CLEC18A: variants seen among roughly 807,000 people sequenced by gnomAD.
The protein encoded by CLEC18A is mannose receptor-like 1.
CLEC18A carries 5 observed loss-of-function variants against 24.0 expected under a neutral mutation model. That is an observed-to-expected ratio of 0.21 (90% CI 0.11 to 0.44). The LOEUF (loss-of-function observed/expected upper bound fraction) is 0.44, where lower values mean the gene tolerates loss of function less well. Among genes scored for constraint, CLEC18A ranks in the 20% least tolerant of loss-of-function variants. The probability of loss-of-function intolerance (pLI) is 0.99; values close to 1 mark genes in which losing one functional copy is unlikely to be tolerated. For synonymous variants in CLEC18A, 29 were observed against 100.1 expected, an observed-to-expected ratio of 0.29 and a Z score of 4.24; for missense variants, 83 against 233.4, an observed-to-expected ratio of 0.36 and a Z score of 4.20.
chr16:69,944,005 A>G, the CLEC18A span, among the ~76,000 whole-genome samples: 243 of 134,144 alleles, frequency 1.8e-3, 24 homozygotes, highest in East Asian at 0.039. Context: ...GAGCTAAGTA[A>G]GTCATCCGGG....
upstream of CLEC18A, among the ~76,000 whole-genome samples, chr16:69,946,098 A>T (rs1972918728): frequency 4.0e-5 from 2 of 49,448 alleles, 1 homozygote; most frequent in Non-Finnish European, 6.7e-5. Context: ...GTCTCAAAAA[A>T]AAAAAAAGAA....
chr16:69,946,011 TA>T (rs1439202335), upstream of CLEC18A, among the ~76,000 whole-genome samples: 1 of 146,260 alleles, frequency 6.8e-6, no homozygotes, highest in Non-Finnish European at 1.5e-5. Context: ...GAGAATCACT[TA>T]AACCGAAGGG....
chr16:69,955,214 G>C (rs1393361662), intron 3 of CLEC18A, among the ~76,000 whole-genome samples: 1 of 151,676 alleles, frequency 6.6e-6, no homozygotes. Context: ...TGTTGGTCAG[G>C]CTGGTCTCGA....
downstream of CLEC18A, among the ~76,000 whole-genome samples, chr16:69,965,478 G>GC (rs1437343349): frequency 6.6e-6 from 1 of 151,534 alleles, no homozygotes; most frequent in Admixed American, 6.6e-5. Flanking sequence ...ACCCGGGCGC[G>GC]CGCTGCCCGA....
At chr16:69,955,351 G>GTATT (rs1344702684) in intron 3 of CLEC18A, among the ~76,000 whole-genome samples, 1 of 149,758 alleles carries the variant, frequency 6.7e-6, no homozygotes, top group East Asian at 2.0e-4. Context: ...AAACATAAAC[G>GTATT]TATTTATTTA....
At chr16:69,957,136 G>T (rs941308366) in intron 3 of CLEC18A, among the ~76,000 whole-genome samples, 1 of 143,584 alleles carries the variant, frequency 7.0e-6, no homozygotes, top group Non-Finnish European at 1.5e-5. Flanking sequence ...AATAAGTTTT[G>T]ATGTTTTTTC....
At chr16:69,951,626 GA>G in intron 1 of CLEC18A, 136 bp downstream of exon 1, 1 of 1,296,104 alleles carries the variant, frequency 7.7e-7, no homozygotes, top group Non-Finnish European at 1.1e-6. Flanking sequence ...GAAGCCCTGG[GA>G]CAGCCCGGGG....
upstream of CLEC18A, among the ~76,000 whole-genome samples, chr16:69,950,387 T>C (rs144640712): frequency 0.023 from 2,825 of 122,408 alleles, 211 homozygotes; most frequent in East Asian, 0.073. Context: ...GGGCATTAGG[T>C]TGCAGCCCGC....
chr16:69,945,429 A>T, the CLEC18A span, among the ~76,000 whole-genome samples: 1 of 152,252 alleles, frequency 6.6e-6, no homozygotes, highest in Non-Finnish European at 1.5e-5. Context: ...GGTAGTATAC[A>T]TTCTCCAGTT....
downstream of CLEC18A, among the ~76,000 whole-genome samples, chr16:69,966,258 C>A (rs960274498): frequency 1.3e-5 from 2 of 150,476 alleles, no homozygotes; most frequent in Admixed American, 6.6e-5. Flanking sequence ...CTTTGAAAGC[C>A]CCCACTTGTG....
At chr16:69,945,582 C>T in the CLEC18A span, among the ~76,000 whole-genome samples, 1 of 152,260 alleles carries the variant, frequency 6.6e-6, no homozygotes, top group Non-Finnish European at 1.5e-5. Flanking sequence ...TCAAGGGATC[C>T]TCTTGCCTCA....
chr16:69,946,068 CAGT>C, upstream of CLEC18A, among the ~76,000 whole-genome samples: 1 of 105,462 alleles, frequency 9.5e-6, no homozygotes, highest in African/African-American at 3.8e-5. Context: ...ACTCCAGCCT[CAGT>C]GACAGAGTGA....
At chr16:69,965,491 C>T (rs1008717507), downstream of CLEC18A, among the ~76,000 whole-genome samples, 2 of 151,446 alleles carry the variant, frequency 1.3e-5, no homozygotes, top group African/African-American at 4.9e-5. Context: ...CTGCCCGAGG[C>T]CGGGGGGCGG....
intron 2 of CLEC18A, chr16:69,953,169 C>A (rs1323303870): frequency 2.0e-5 from 3 of 152,446 alleles, no homozygotes; most frequent in African/African-American, 7.2e-5. Flanking sequence ...TCCCTCGTGG[C>A]CCGGCCCCGA....
At chr16:69,965,413 C>A (rs1171741659), downstream of CLEC18A, among the ~76,000 whole-genome samples, 1 of 152,032 alleles carries the variant, frequency 6.6e-6, no homozygotes. Flanking sequence ...TTGTCCGGGG[C>A]CACGGCCGCA....
chr16:69,945,723 T>C (rs1408410655), upstream of CLEC18A, among the ~76,000 whole-genome samples: 5 of 152,382 alleles, frequency 3.3e-5, no homozygotes, highest in South Asian at 2.1e-4. Context: ...ATAGACAAAT[T>C]TGGGGAGAAT....
chr16:69,957,065 T>A (rs2059047174), intron 3 of CLEC18A, among the ~76,000 whole-genome samples: 1 of 151,726 alleles, frequency 6.6e-6, no homozygotes, highest in Admixed American at 6.6e-5. Flanking sequence ...AAATCTTTTT[T>A]TGTTTCTACT....
Position 69,955,032 on chromosome 16 carries a change from C to G in CLEC18A, c.456+459C>G, listed in dbSNP as rs533146486. Among the ~76,000 whole-genome samples the G allele has an allele frequency of 2.5e-3, 376 of 150,252 alleles. 5 individuals are homozygous for G. Among genetic ancestry groups the G allele is most frequent in the Non-Finnish European group, 4.1e-3 (276 of 67,542 alleles). ...TTCTTTTTTTGGAGACATGGTCTCA[C>G]TCTGTCACCCCAGGCTGGAGTGCAG... On this transcript the variant is annotated intron_variant, in intron 3 of 11. Coordinates refer to ENST00000288040, the MANE Select transcript of CLEC18A (RefSeq NM_001370523.4).
At chr16:69,943,997 G>A in the CLEC18A span, among the ~76,000 whole-genome samples, 50 of 134,006 alleles carry the variant, frequency 3.7e-4, 7 homozygotes, top group South Asian at 5.8e-3. Flanking sequence ...GCCTTGAAGA[G>A]CTAAGTAAGT....
Sources: gnomAD v4.1 joint callset for allele counts (sites outside exome capture counted in the v4.1 genomes callset) on GRCh38, gnomAD v4.1.1 for gene constraint, MANE v1.5 for transcripts, NCBI Gene and HGNC (gene_info 2026-07-23, HGNC 2026-07-21) for gene names.